Variants in ADAMTS17 observed in about 807,000 individuals in gnomAD.
The protein encoded by ADAMTS17 is ADAM metallopeptidase with thrombospondin type 1 motif 17, also known as A disintegrin and metalloproteinase with thrombospondin motifs 17.
In ADAMTS17, 113 loss-of-function variants were observed where a neutral mutation model predicts 141.5. The observed-to-expected ratio is 0.80, with a 90% CI of 0.69 to 0.93. The LOEUF is 0.93. ADAMTS17 is among the 40% of genes least tolerant of loss of function. The probability of loss-of-function intolerance (pLI) is 0.00; values close to 1 mark genes in which losing one functional copy is unlikely to be tolerated. For missense variants in ADAMTS17, 1,659 were observed against 1,517.9 expected, an observed-to-expected ratio of 1.09 and a Z score of -1.54; for synonymous variants, 768 against 630.6, an observed-to-expected ratio of 1.22 and a Z score of -3.27.
chr15:100,069,320 C>T (rs1467619033), intron 15 of ADAMTS17, among the ~76,000 whole-genome samples: 2 of 152,206 alleles, frequency 1.3e-5, no homozygotes, highest in Non-Finnish European at 2.9e-5. Context: ...AAACACTCTG[C>T]AGGATATTAT....
chr15:100,304,788 G>A (rs947021471), intron 3 of ADAMTS17, among the ~76,000 whole-genome samples: 1 of 152,112 alleles, frequency 6.6e-6, no homozygotes, highest in African/African-American at 2.4e-5. Flanking sequence ...TTTGAACTGT[G>A]CGGGCCCACT....
chr15:100,322,755 G>T (rs1280626790), intron 3 of ADAMTS17, among the ~76,000 whole-genome samples: 1 of 152,154 alleles, frequency 6.6e-6, no homozygotes, highest in Non-Finnish European at 1.5e-5. Flanking sequence ...TTAAAAAATG[G>T]AAATATCATA....
At chr15:100,147,756 C>T (rs2038977546) in intron 10 of ADAMTS17, among the ~76,000 whole-genome samples, 1 of 152,132 alleles carries the variant, frequency 6.6e-6, no homozygotes, top group South Asian at 2.1e-4. Context: ...ATGTGAAAAA[C>T]CCTAAACTAA....
Position 100,152,462 on chromosome 15 carries a change from G to T in ADAMTS17, c.1473+150C>A. On this transcript the variant is annotated intron_variant, in intron 10 of 21. Transcript: ENST00000268070. ...TTTATGCATGTCTCTGTATGCAAAC[G>T]TGTGTGTGCATATACATGTATACCT... The T allele has an allele frequency of 4.0e-6, 4 of 1,005,328 alleles. No individual in the cohort carries two copies. The South Asian group carries it at 4.1e-5, about 10-fold the overall frequency. The allele number at this position is 1,005,328 out of a possible 1,614,324, so 62.3% of individuals were successfully genotyped here.
intron 7 of ADAMTS17, among the ~76,000 whole-genome samples, chr15:100,220,277 G>A (rs545631569): frequency 2.0e-5 from 3 of 152,258 alleles, no homozygotes; most frequent in African/African-American, 4.8e-5. Flanking sequence ...TGTCACCAGC[G>A]CCTCCTGTGT....
At chr15:100,122,415 G>A (rs1005921056) in intron 12 of ADAMTS17, among the ~76,000 whole-genome samples, 20 of 152,102 alleles carry the variant, frequency 1.3e-4, no homozygotes, top group South Asian at 8.3e-4. Flanking sequence ...ATTGCTATGC[G>A]GCAGGACCCC....
rs188447222 is a variant in ADAMTS17, at chr15:100,018,507, T to C, written c.2592-20918A>G. Among the ~76,000 whole-genome samples, 20 of 152,226 alleles carry C rather than the reference T, an allele frequency of 1.3e-4. 1 individual carries two copies. Among genetic ancestry groups the C allele is most frequent in the African/African-American group, 4.3e-4 (18 of 41,544 alleles). On this transcript the variant is annotated intron_variant, in intron 18 of 21. Coordinates refer to ENST00000268070, the MANE Select transcript of ADAMTS17 (RefSeq NM_139057.4). ...TGATACTGAGTAAGTTCTCAGGAGATCTGGTTGCTTAGAAGTGTGAACCAC... is the reference window on the plus strand; with the variant it reads ...TGATACTGAGTAAGTTCTCAGGAGACCTGGTTGCTTAGAAGTGTGAACCAC...
intron 8 of ADAMTS17, chr15:100,168,479 A>C (rs1811310873): frequency 1.3e-5 from 2 of 152,230 alleles, no homozygotes; most frequent in African/African-American, 4.8e-5. Flanking sequence ...AGAGTAATTC[A>C]TCTAATGGTG....
At chr15:100,084,085 C>G in intron 15 of ADAMTS17, among the ~76,000 whole-genome samples, 1 of 152,096 alleles carries the variant, frequency 6.6e-6, no homozygotes, top group Non-Finnish European at 1.5e-5. Flanking sequence ...GGGAATTCCC[C>G]TTCCTAGTCA....
chr15:99,977,032 G>A (rs901840167), intron 20 of ADAMTS17, among the ~76,000 whole-genome samples: 1 of 152,100 alleles, frequency 6.6e-6, no homozygotes, highest in African/African-American at 2.4e-5. Context: ...TGAGGCTCCG[G>A]GGCCTTTGCC....
At chr15:100,106,974 A>AAGAGTCTT (rs2036450996) in intron 14 of ADAMTS17, among the ~76,000 whole-genome samples, 1 of 152,228 alleles carries the variant, frequency 6.6e-6, no homozygotes, top group African/African-American at 2.4e-5. Flanking sequence ...TGCTGTGCCA[A>AAGAGTCTT]GACTCTTGGG....
chr15:100,293,109 A>G (rs2044699332), intron 3 of ADAMTS17, among the ~76,000 whole-genome samples: 1 of 152,234 alleles, frequency 6.6e-6, no homozygotes, highest in African/African-American at 2.4e-5. Context: ...AAAGTGTTCA[A>G]TCTGTGTGTT....
In ADAMTS17 at chr15:100,147,459, C is replaced by G. The variant is rs187822038; in HGVS notation, c.1473+5153G>C. 1.0e-3 allele frequency among the ~76,000 whole-genome samples: 154 copies of G among 152,332 alleles called. 2 individuals are homozygous for G. The highest frequency in any genetic ancestry group is 6.8e-3 in the Middle Eastern group (2 of 294). ...GGTGTAGCCTATTGCTCCTAGGCCA[C>G]AAACCTGTATAGCGTGGTACTGTAC... On this transcript the variant is annotated intron_variant, in intron 10 of 21. Coordinates refer to ENST00000268070, the MANE Select transcript of ADAMTS17 (RefSeq NM_139057.4).
intron 15 of ADAMTS17, among the ~76,000 whole-genome samples, chr15:100,069,677 A>G (rs893969222): frequency 2.0e-5 from 3 of 152,016 alleles, no homozygotes; most frequent in African/African-American, 7.3e-5. Flanking sequence ...AAAATACTAT[A>G]CAGACAAGCA....
Position 99,974,424 on chromosome 15 carries a change from C to T in ADAMTS17, c.3266G>A (p.Arg1089His), listed in dbSNP as rs759480599. Residue 1089 changes from arginine (R) to histidine (H), a missense_variant, in exon 22 of 22, where the codon CGC (arginine) becomes CAC (histidine). Coordinates refer to ENST00000268070, the MANE Select transcript of ADAMTS17 (RefSeq NM_139057.4). ...GTGTCACGAGTTCGGCGGTGGCTGG[C>T]GCATCTTGTTTGCATAGAAGTCCCT... ...TCRDFYANKM[R>H]QPPPNS 1.3e-5 allele frequency: 21 copies of T among 1,614,018 alleles called. No homozygotes were observed. The highest frequency in any genetic ancestry group is 1.6e-4 in the Middle Eastern group (1 of 6,084).
At chr15:100,155,149 A>T in intron 9 of ADAMTS17, 31 bp downstream of exon 9, 1 of 1,614,168 alleles carries the variant, frequency 6.2e-7, no homozygotes, top group Non-Finnish European at 8.5e-7. Context: ...TTTTGATTGC[A>T]TTCATCCTAT....
At chr15:100,205,510 C>T (rs186001858) in intron 7 of ADAMTS17, among the ~76,000 whole-genome samples, 17 of 152,248 alleles carry the variant, frequency 1.1e-4, no homozygotes, top group South Asian at 6.2e-4. Context: ...GGACCCATCA[C>T]GTGGGAGGGG....
chr15:100,014,492 G>A (rs1215180757), intron 18 of ADAMTS17, among the ~76,000 whole-genome samples: 3 of 152,096 alleles, frequency 2.0e-5, no homozygotes, highest in Non-Finnish European at 2.9e-5. Context: ...TGATGTAGAT[G>A]TTTAGGGCTG....
intron 10 of ADAMTS17, among the ~76,000 whole-genome samples, chr15:100,151,039 G>A (rs566742813): frequency 1.3e-5 from 2 of 152,382 alleles, no homozygotes; most frequent in South Asian, 2.1e-4. Flanking sequence ...CTGATGGTGA[G>A]TTTGGGCACC....
Sources: gnomAD v4.1 joint callset for allele counts (sites outside exome capture counted in the v4.1 genomes callset) on GRCh38, gnomAD v4.1.1 for gene constraint, MANE v1.5 for transcripts, NCBI Gene and HGNC (gene_info 2026-07-23, HGNC 2026-07-21) for gene names.